Variants in PLCH2 observed in about 807,000 individuals in gnomAD.
PLCH2 encodes 1-phosphatidylinositol 4,5-bisphosphate phosphodiesterase eta-2.
In PLCH2, 98 loss-of-function variants were observed where a neutral mutation model predicts 134.7. That is an observed-to-expected ratio of 0.73 (90% CI 0.62 to 0.86). The LOEUF is 0.86. PLCH2 is among the 40% of genes least tolerant of loss of function. PLCH2 has a pLI of 0.00. For synonymous variants in PLCH2, 974 were observed against 827.5 expected, an observed-to-expected ratio of 1.18 and a Z score of -3.04; for missense variants, 1,994 against 1,986.6, an observed-to-expected ratio of 1.00 and a Z score of -0.07.
At chr1:2,436,379 TCCCTTCCTCCCTCCA>T (rs1639381112) in intron 2 of PLCH2, among the ~76,000 whole-genome samples, 1 of 28,634 alleles carries the variant, frequency 3.5e-5, no homozygotes, top group African/African-American at 1.1e-4. Flanking sequence ...TCCTCCCTCC[TCCCTTCCTCCCTCCA>T]CCTTTCCTCC....
At chr1:2,434,701 C>T (rs1295865965) in intron 2 of PLCH2, among the ~76,000 whole-genome samples, 3 of 152,214 alleles carry the variant, frequency 2.0e-5, no homozygotes, top group Admixed American at 6.5e-5. Flanking sequence ...CCAGGCTGCC[C>T]GGGCTGCCAG....
At chr1:2,417,472 C>T in the PLCH2 span, among the ~76,000 whole-genome samples, 1 of 152,136 alleles carries the variant, frequency 6.6e-6, no homozygotes, top group Non-Finnish European at 1.5e-5. Flanking sequence ...AGTCTGGAAT[C>T]ACACAGGGTG....
intron 2 of PLCH2, among the ~76,000 whole-genome samples, chr1:2,452,665 G>T (rs1159290119): frequency 6.6e-6 from 1 of 152,222 alleles, no homozygotes; most frequent in African/African-American, 2.4e-5. Flanking sequence ...TAATTCACAG[G>T]CCCTGGGGAC....
At chr1:2,495,679 C>G (rs1421603709) in intron 13 of PLCH2, 109 bp downstream of exon 13, 1 of 700,818 alleles carries the variant, frequency 1.4e-6, no homozygotes, top group Admixed American at 3.2e-5. Context: ...AGGGCAGGAC[C>G]TACCCCCTTC....
At position 2,444,464 on chromosome 1, in the gene PLCH2, C is replaced by T. The variant is rs1221875054; in HGVS notation, c.115+13835C>T. ...CAGGTGGGGTGCAGCGGGCACTGCC[C>T]GGGCAGGCGGGAGCTCCGGAGGCCC... On this transcript the variant is annotated intron_variant, in intron 2 of 3. Coordinates refer to the PLCH2 transcript ENST00000609981. The surrounding 1 kb of genome is among the most constrained non-coding windows in gnomAD (Gnocchi z 4.6). Among the ~76,000 whole-genome samples the T allele has an allele frequency of 1.3e-5, 2 of 152,148 alleles. No individual in the cohort carries two copies. Among genetic ancestry groups the T allele is most frequent in the Non-Finnish European group, 2.9e-5 (2 of 68,002 alleles).
At position 2,448,203 on chromosome 1, in the gene PLCH2, G is replaced by A. The variant is rs936428427; in HGVS notation, c.115+17574G>A. ...CACGACATGGAGGGGTGTGTTTCCT[G>A]CAGCTGCTGGGACCGGCTGCCGTGC... On this transcript the variant is annotated intron_variant, in intron 2 of 3. Transcript: ENST00000609981. This position sits in a 1 kb window ranked among gnomAD's most constrained non-coding sequence, Gnocchi z 4.0. Among the ~76,000 whole-genome samples the A allele has an allele frequency of 6.6e-6, 1 of 152,220 alleles. No individual in the cohort carries two copies. The highest frequency in any genetic ancestry group is 1.5e-5 in the Non-Finnish European group (1 of 68,034).
At chr1:2,443,595 A>AACCCCGCCGTGC (rs1639790715) in intron 2 of PLCH2, among the ~76,000 whole-genome samples, 1 of 150,280 alleles carries the variant, frequency 6.7e-6, no homozygotes, top group African/African-American at 2.4e-5. Flanking sequence ...CGGGCCGGCT[A>AACCCCGCCGTGC]GCCCCGCGCC....
chr1:2,491,418 T>C, intron 11 of PLCH2, 83 bp downstream of exon 11: 2 of 1,447,074 alleles, frequency 1.4e-6, no homozygotes, highest in Non-Finnish European at 1.9e-6. Context: ...CCCCCGAACG[T>C]ATGCTCTGTG....
chr1:2,493,347 C>T (rs1354708763), intron 11 of PLCH2: 1 of 152,220 alleles, frequency 6.6e-6, no homozygotes, highest in African/African-American at 2.4e-5. Context: ...CCGACCGGCT[C>T]CAGGCGCACT....
chr1:2,476,051 C>T (rs932263102), upstream of PLCH2, among the ~76,000 whole-genome samples: 2 of 152,212 alleles, frequency 1.3e-5, no homozygotes, highest in East Asian at 3.9e-4. Context: ...CCTCGGAGGA[C>T]AGTACCCTGC....
At chr1:2,463,577 G>A (rs921383430), upstream of PLCH2, among the ~76,000 whole-genome samples, 18 of 152,252 alleles carry the variant, frequency 1.2e-4, no homozygotes, top group African/African-American at 2.9e-4. Flanking sequence ...CACCGCTGGC[G>A]GGAGGCGGTT....
chr1:2,496,859 C>A lies in PLCH2; in HGVS notation c.1965C>A (p.Ser655Arg). The A allele has an allele frequency of 6.2e-7, 1 of 1,612,594 alleles. No homozygotes were observed. Among genetic ancestry groups the A allele is most frequent in the Non-Finnish European group, 8.5e-7 (1 of 1,179,572 alleles). Residue 655 changes from serine (S) to arginine (R), a missense_variant, in exon 15 of 22, where the codon AGC (serine) becomes AGA (arginine). Physicochemically the swap from Ser to Arg is moderately radical, Grantham distance 110. Transcript: ENST00000378486. The part of the protein sequence containing the change: ...AASSWQVSSF[S>R]ETKAHQILQQ... ...CCAGCTGGCAGGTGTCGTCCTTCAG[C>A]GAGACCAAGGCCCACCAGATTCTGC...
intron 2 of PLCH2, among the ~76,000 whole-genome samples, chr1:2,453,788 G>A (rs1304086500): frequency 6.6e-6 from 1 of 152,194 alleles, no homozygotes; most frequent in Non-Finnish European, 1.5e-5. Context: ...GCCAGCCCTG[G>A]GTCCAGCCTG....
rs1640026155 is a variant in PLCH2, at chr1:2,448,150, C to T, written c.115+17521C>T. The stretch of plus-strand genomic sequence containing the variant: ...CTGGGCTGCCCTTGCCCTCCTGGAG[C>T]GCCAGGTGCCCCGGGTGTCTGGAGC... On this transcript the variant is annotated intron_variant, in intron 2 of 3. Coordinates refer to the PLCH2 transcript ENST00000609981. The surrounding 1 kb of genome is among the most constrained non-coding windows in gnomAD (Gnocchi z 4.0). 6.6e-6 allele frequency among the ~76,000 whole-genome samples: 1 copy of T among 152,316 alleles called. No homozygotes were observed. Among genetic ancestry groups the T allele is most frequent in the South Asian group, 2.1e-4 (1 of 4,826 alleles).
chr1:2,452,933 T>A lies in PLCH2; in HGVS notation c.115+22304T>A, dbSNP rs902351214. On this transcript the variant is annotated intron_variant, in intron 2 of 3. Coordinates refer to the PLCH2 transcript ENST00000609981. ...TGCCTGTTGGCACCTGGTCCTGGCT[T>A]CTCAGGCGGGAAGTCCCGGCTCACC... Among the ~76,000 whole-genome samples the A allele has an allele frequency of 5.3e-5, 8 of 152,140 alleles. 1 individual carries two copies. Among genetic ancestry groups the A allele is most frequent in the Admixed American group, 2.0e-4 (3 of 15,288 alleles).
chr1:2,502,405 C>A lies in PLCH2; in HGVS notation c.2955C>A (p.Pro985=), dbSNP rs1393116439. The change falls in exon 21 of 22, where the codon CCC becomes CCA. Residue 985 remains proline (P), a synonymous_variant. Transcript: ENST00000378486. ...PAQEGPGSGS[P]RDTRPLSTQR... The stretch of plus-strand genomic sequence containing the variant: ...AGGAGGGGCCCGGCAGCGGCAGCCC[C>A]CGAGGTAAGGCGCCAGCTGCGGTGG... 3.9e-6 allele frequency: 6 copies of A among 1,544,102 alleles called. No individual in the cohort carries two copies. In the Admixed American group the frequency reaches 7.9e-5, roughly 20 times the overall value.
upstream of PLCH2, among the ~76,000 whole-genome samples, chr1:2,421,430 AAC>A (rs1363343798): frequency 6.6e-6 from 1 of 152,228 alleles, no homozygotes; most frequent in African/African-American, 2.4e-5. Context: ...AATTATGTAA[AAC>A]ACAGAAATAC....
chr1:2,504,949 AG>A lies in PLCH2; in HGVS notation c.3992del (p.Gly1331AlafsTer167). ...SLGPAGEGVA[G>X]GPGFVRRSSS... ...TGGGCCCGGCTGGGGAGGGGGTGGC[AG>A]GGGGCCCTGGTTTTGTGCGGCGCTC... is the stretch of plus-strand genomic sequence containing the variant. On this transcript the variant is annotated frameshift_variant, in exon 22 of 22. Transcript: ENST00000378486. LOFTEE classifies it high-confidence loss of function. The A allele has an allele frequency of 2.6e-6, 4 of 1,562,538 alleles. No individual in the cohort carries two copies. Among genetic ancestry groups the A allele is most frequent in the Non-Finnish European group, 2.6e-6 (3 of 1,154,880 alleles).
At chr1:2,435,809 G>A (rs532439218) in intron 2 of PLCH2, among the ~76,000 whole-genome samples, 2 of 133,480 alleles carry the variant, frequency 1.5e-5, no homozygotes, top group East Asian at 5.7e-4. Context: ...TCTGGAGTGA[G>A]CCCCCACACC....
Sources: allele counts gnomAD v4.1 joint callset (sites outside exome capture counted in the v4.1 genomes callset), GRCh38; gene constraint gnomAD v4.1.1; non-coding constraint Gnocchi (gnomAD v3.1); transcripts MANE v1.5; gene names NCBI Gene and HGNC (gene_info 2026-07-23, HGNC 2026-07-21).